RBFOX1: variants seen among roughly 807,000 people sequenced by gnomAD.
RBFOX1 encodes the protein RNA binding fox-1 homolog 1, also known as RNA binding protein fox-1 homolog 1.
A neutral mutation model predicts 57.7 loss-of-function variants in RBFOX1; 8 were observed. The ratio of observed to expected loss-of-function variants is 0.14; its 90% CI spans 0.08 to 0.25. The LOEUF is 0.25. RBFOX1 is among the 10% of genes least tolerant of loss of function. The pLI is 1.00. For missense variants in RBFOX1, 611 were observed against 548.5 expected (o/e 1.11, Z -1.14); for synonymous variants, 326 against 222.4 (o/e 1.47, Z -4.15).
chr16:7,219,454 C>T (rs1278976366), intron 4 of RBFOX1, among the ~76,000 whole-genome samples: 1 of 152,196 alleles, frequency 6.6e-6, no homozygotes, highest in Admixed American at 6.5e-5. Flanking sequence ...CCGTCGGCTG[C>T]TCCAACCGTG....
At chr16:6,764,292 C>T (rs764765096) in intron 3 of RBFOX1, among the ~76,000 whole-genome samples, 2 of 152,162 alleles carry the variant, frequency 1.3e-5, no homozygotes, top group Non-Finnish European at 1.5e-5. Context: ...TCAATCTGTG[C>T]ACAAATGATC....
intron 4 of RBFOX1, among the ~76,000 whole-genome samples, chr16:7,298,342 G>T (rs1271923963): frequency 1.5e-5 from 2 of 137,582 alleles, no homozygotes; most frequent in Non-Finnish European, 3.0e-5. Flanking sequence ...GCTCTGGAGT[G>T]CAGTAGCATG....
intron 4 of RBFOX1, among the ~76,000 whole-genome samples, chr16:7,372,520 A>G (rs1000826485): frequency 6.6e-6 from 1 of 152,182 alleles, no homozygotes; most frequent in African/African-American, 2.4e-5. Context: ...TCTTCTGCCA[A>G]CCCTGATTGA....
intron 3 of RBFOX1, among the ~76,000 whole-genome samples, chr16:5,800,003 A>G (rs185839259): frequency 9.0e-4 from 137 of 152,190 alleles, no homozygotes; most frequent in African/African-American, 3.2e-3. Flanking sequence ...ATATATTTGC[A>G]TGTTCCATTT....
In RBFOX1 at chr16:5,705,290, C is replaced by G. The variant is rs374313509; in HGVS notation, c.318+106329C>G. ...TTATTTTTTTAGTTTTAGACAGGGT[C>G]TTGCTGTCTTGTCCAGGCTAGGGTG... On this transcript the variant is annotated intron_variant, in intron 3 of 19. Transcript: ENST00000641259. Among the ~76,000 whole-genome samples, 46 of 152,134 alleles carry G rather than the reference C, an allele frequency of 3.0e-4. No individual in the cohort carries two copies. The South Asian group carries it at 8.9e-3, about 29-fold the overall frequency.
chr16:6,195,643 C>G (rs1449267482), intron 1 of RBFOX1, among the ~76,000 whole-genome samples: 1 of 151,664 alleles, frequency 6.6e-6, no homozygotes, highest in Non-Finnish European at 1.5e-5. Flanking sequence ...CACTTGAACC[C>G]GGGTGGTGGA....
chr16:7,375,436 A>G (rs556349981), intron 4 of RBFOX1, among the ~76,000 whole-genome samples: 8 of 152,252 alleles, frequency 5.3e-5, no homozygotes, highest in African/African-American at 1.7e-4. Context: ...ATTAGCGGCT[A>G]TGGAATCTCA....
intron 4 of RBFOX1, among the ~76,000 whole-genome samples, chr16:7,080,598 T>C (rs767482384): frequency 6.6e-6 from 1 of 152,200 alleles, no homozygotes; most frequent in Admixed American, 6.5e-5. Flanking sequence ...TCTCTGGGTA[T>C]CCTTTTTTCA....
intron 1 of RBFOX1, among the ~76,000 whole-genome samples, chr16:6,140,277 C>A (rs2096705517): frequency 6.6e-6 from 1 of 151,902 alleles, no homozygotes; most frequent in South Asian, 2.1e-4. Flanking sequence ...CTGCAGCCTC[C>A]ACCTCCTGGG....
chr16:6,309,382 TGACA>T (rs1365515783), intron 1 of RBFOX1, among the ~76,000 whole-genome samples: 1 of 152,148 alleles, frequency 6.6e-6, no homozygotes, highest in African/African-American at 2.4e-5. Context: ...TGCATCCTTC[TGACA>T]GACAGTGCAA....
intron 2 of RBFOX1, among the ~76,000 whole-genome samples, chr16:6,645,911 G>A (rs1568024185): frequency 6.6e-6 from 1 of 152,222 alleles, no homozygotes; most frequent in East Asian, 1.9e-4. Flanking sequence ...TCCAAAACTG[G>A]TGTGGTTGAG....
chr16:6,147,302 GC>G (rs1161635080), intron 1 of RBFOX1, among the ~76,000 whole-genome samples: 5 of 152,208 alleles, frequency 3.3e-5, no homozygotes, highest in African/African-American at 1.2e-4. Context: ...ACCATTCTGT[GC>G]TCTCATAAGT....
At chr16:6,466,932 C>G (rs182298494) in intron 2 of RBFOX1, among the ~76,000 whole-genome samples, 1 of 151,874 alleles carries the variant, frequency 6.6e-6, no homozygotes, top group African/African-American at 2.4e-5. Flanking sequence ...CTAAATGCAG[C>G]AGATTTAATC....
chr16:7,366,872 A>G (rs917422515), intron 4 of RBFOX1, among the ~76,000 whole-genome samples: 1 of 152,202 alleles, frequency 6.6e-6, no homozygotes, highest in Non-Finnish European at 1.5e-5. Context: ...AAGAAAGCGC[A>G]TAGAGCTTTT....
intron 4 of RBFOX1, among the ~76,000 whole-genome samples, chr16:7,313,104 C>G (rs976596587): frequency 2.0e-5 from 3 of 152,152 alleles, no homozygotes; most frequent in Admixed American, 6.5e-5. Context: ...ACTTCCACAT[C>G]ACTCTTCATC....
intron 3 of RBFOX1, among the ~76,000 whole-genome samples, chr16:6,861,256 CTCTAACCATAG>C (rs1475077650): frequency 6.6e-6 from 1 of 152,124 alleles, no homozygotes; most frequent in Non-Finnish European, 1.5e-5. Flanking sequence ...GAGCACCACA[CTCTAACCATAG>C]TCTTTGCAAA....
At chr16:6,834,758 C>G (rs577154095) in intron 3 of RBFOX1, among the ~76,000 whole-genome samples, 4 of 152,142 alleles carry the variant, frequency 2.6e-5, no homozygotes, top group Non-Finnish European at 5.9e-5. Context: ...GAGACAGTTG[C>G]ATTTACTCAG....
intron 14 of RBFOX1, among the ~76,000 whole-genome samples, chr16:7,698,948 G>C (rs2079713653): frequency 6.6e-6 from 1 of 152,194 alleles, no homozygotes. Flanking sequence ...GGAAAGTGCT[G>C]TATCCATGCA....
intron 2 of RBFOX1, among the ~76,000 whole-genome samples, chr16:6,332,515 G>C (rs183999427): frequency 1.1e-4 from 16 of 152,338 alleles, no homozygotes; most frequent in Admixed American, 9.8e-4. Flanking sequence ...ATGACTGACT[G>C]TGACGATAGC....
Sources: gnomAD v4.1 joint callset for allele counts (sites outside exome capture counted in the v4.1 genomes callset) on GRCh38, gnomAD v4.1.1 for gene constraint, MANE v1.5 for transcripts, NCBI Gene and HGNC (gene_info 2026-07-23, HGNC 2026-07-21) for gene names.